The following UQCRB variants were observed in gnomAD, a reference collection of about 807,000 sequenced individuals.
UQCRB encodes ubiquinol-cytochrome c reductase binding protein, also known as cytochrome b-c1 complex subunit 7.
A neutral mutation model predicts 19.8 loss-of-function variants in UQCRB; 12 were observed. That is an observed-to-expected ratio of 0.61 (90% CI 0.39 to 0.98). UQCRB has a LOEUF of 0.98. Ranked by LOEUF, UQCRB falls within the 50% of genes least tolerant of loss-of-function variation. UQCRB has a pLI of 0.00. For missense variants in UQCRB, 142 were observed against 131.8 expected, an observed-to-expected ratio of 1.08 and a Z score of -0.38; for synonymous variants, 39 against 42.9, an observed-to-expected ratio of 0.91 and a Z score of 0.35.
rs1275398398 is a variant in UQCRB at position 96,229,897 on chromosome 8, T to C, written c.*1158A>G. ...AAACTTTAAATGTAACACAAATTCG[T>C]TTTTCACACTGTTTTGTTATTTGAG... On this transcript the variant is annotated 3_prime_UTR_variant, in exon 4 of 4. Coordinates refer to ENST00000287022, the MANE Select transcript of UQCRB (RefSeq NM_006294.5). 1 of 436,554 alleles carries C rather than the reference T, an allele frequency of 2.3e-6. No homozygotes were observed. Among genetic ancestry groups the C allele is most frequent in the South Asian group, 1.6e-5 (1 of 63,872 alleles). The allele number at this position is 436,554 out of a possible 1,614,324, so 27.0% of individuals were successfully genotyped here. A position where few individuals can be genotyped will look rare whatever the true frequency, so the allele number is the denominator to read the frequency against.
At chr8:96,235,333 C>G (rs564483285) in intron 1 of UQCRB, 179 bp downstream of exon 1, 21 of 941,412 alleles carry the variant, frequency 2.2e-5, no homozygotes, top group Non-Finnish European at 3.4e-5. Context: ...ACAGGCAAGC[C>G]CGCCCTGGGG....
chr8:96,224,405 G>T lies in UQCRB; in HGVS notation c.*6650C>A, dbSNP rs1372332166. Among the ~76,000 whole-genome samples, 1 of 152,066 alleles carries T rather than the reference G, an allele frequency of 6.6e-6. No homozygotes were observed. Among genetic ancestry groups the T allele is most frequent in the Non-Finnish European group, 1.5e-5 (1 of 68,020 alleles). On this transcript the variant is annotated 3_prime_UTR_variant, in exon 4 of 4. Transcript: ENST00000287022. ...GTGGCCACCCTCCCCACACTGGCTG[G>T]CCAAGCCCAAGCCAGAAGCCAGAAG...
chr8:96,233,013 T>A (rs1809711536), intron 2 of UQCRB, 143 bp downstream of exon 2: 1 of 718,990 alleles, frequency 1.4e-6, no homozygotes, highest in Non-Finnish European at 2.3e-6. Flanking sequence ...GATTTAATTT[T>A]AAAATCTTCT....
In UQCRB at chr8:96,227,934, G is replaced by A. The variant is rs1490970840; in HGVS notation, c.*3121C>T. 2.2e-6 allele frequency: 1 copy of A among 453,996 alleles called. No homozygotes were observed. Among genetic ancestry groups the A allele is most frequent in the African/African-American group, 2.0e-5 (1 of 50,004 alleles). The allele number at this position is 453,996 out of a possible 1,614,324, so 28.1% of individuals were successfully genotyped here. ...CTAACATTTTGGTACCACTCGTAGA[G>A]CGTCACATAAATATTCAGACCATGA... On this transcript the variant is annotated 3_prime_UTR_variant, in exon 4 of 4. Coordinates refer to ENST00000287022, the MANE Select transcript of UQCRB (RefSeq NM_006294.5).
At chr8:96,235,436 G>C in intron 1 of UQCRB, 76 bp downstream of exon 1, 1 of 1,607,136 alleles carries the variant, frequency 6.2e-7, no homozygotes, top group Non-Finnish European at 8.5e-7. Context: ...AAAGAAGAGA[G>C]AAAACGGAGC....
In UQCRB at chr8:96,231,719, T is replaced by C. The variant is rs117599689; in HGVS notation, c.258+55A>G. 490 of 1,608,972 alleles carry C rather than the reference T, an allele frequency of 3.0e-4. 8 individuals are homozygous for C. The East Asian group carries it at 0.011, about 35-fold the overall frequency. On this transcript the variant is annotated intron_variant, in intron 3 of 3. Coordinates refer to ENST00000287022, the MANE Select transcript of UQCRB (RefSeq NM_006294.5). ...ATGCAAATGAACATGTTTCTCTTGT[T>C]TCTAAAACTCCATCCTTAATGAGCA...
rs1586150290 is a variant in UQCRB at position 96,228,489 on chromosome 8, C to A, written c.*2566G>T. ...AGTAGATGAACCAGAAACAAGAGTG[C>A]CACATAGAAGGAAGAGAGGAGACCT... On this transcript the variant is annotated 3_prime_UTR_variant, in exon 4 of 4. Transcript: ENST00000287022. The A allele has an allele frequency of 8.8e-6, 4 of 453,948 alleles. No individual in the cohort carries two copies. The highest frequency in any genetic ancestry group is 3.1e-5 in the South Asian group (2 of 64,474). 28.1% of individuals were successfully genotyped at this position (453,948 alleles called of 1,614,324 possible). A position where few individuals can be genotyped will look rare whatever the true frequency, so the allele number is the denominator to read the frequency against.
In UQCRB at chr8:96,233,305, C is replaced by CA. The variant is rs1491453681; in HGVS notation, c.20-79dup. On this transcript the variant is annotated intron_variant, in intron 1 of 3. Coordinates refer to ENST00000287022, the MANE Select transcript of UQCRB (RefSeq NM_006294.5). ...CATTGATAGGCAAGCAACCAGTACT[C>CA]AGTTATCTTGCTGATGAATGCAAAC... 22 of 1,338,140 alleles carry CA rather than the reference C, an allele frequency of 1.6e-5. 1 individual carries two copies. In the Admixed American group the frequency reaches 2.0e-4, roughly 12 times the overall value. The allele number at this position is 1,338,140 out of a possible 1,614,324, so 82.9% of individuals were successfully genotyped here.
chr8:96,231,501 T>C (rs1431800952), intron 3 of UQCRB: 1 of 1,533,418 alleles, frequency 6.5e-7, no homozygotes, highest in Admixed American at 2.0e-5. Flanking sequence ...AGTGCAGAGC[T>C]GGAACAGCAA....
At chr8:96,233,390 A>G (rs1809722559) in intron 1 of UQCRB, 163 bp from the exon 2 acceptor site, 1 of 614,344 alleles carries the variant, frequency 1.6e-6, no homozygotes, top group Non-Finnish European at 2.8e-6. Flanking sequence ...TAATCAAAAG[A>G]ATTAGATTTA....
At position 96,235,506 on chromosome 8, in the gene UQCRB, A is replaced by T; in HGVS notation, c.19+6T>A. ...ATGCCGGCCAAGAAGACCCCCAGTT[A>T]CTTACCGGCCTGCTTACCAGCCATT... On this transcript the variant is annotated splice_donor_region_variant and intron_variant, in intron 1 of 3. Transcript: ENST00000287022. 6.2e-7 allele frequency: 1 copy of T among 1,614,216 alleles called. No homozygotes were observed. Among genetic ancestry groups the T allele is most frequent in the Non-Finnish European group, 8.5e-7 (1 of 1,180,036 alleles).
rs569679524 is a variant in UQCRB at position 96,227,366 on chromosome 8, T to C, written c.*3689A>G. 2.6e-5 allele frequency: 12 copies of C among 453,994 alleles called. No homozygotes were observed. The highest frequency in any genetic ancestry group is 1.2e-4 in the South Asian group (8 of 64,478). The allele number at this position is 453,994 out of a possible 1,614,324, so 28.1% of individuals were successfully genotyped here. ...GGGCGCAGAATGGAGAAATCTTCCA[T>C]AGTGCTCGTGTGATGTACACTAAGT... On this transcript the variant is annotated 3_prime_UTR_variant, in exon 4 of 4. Transcript: ENST00000287022.
rs1809618338 is a variant in UQCRB at position 96,229,848 on chromosome 8, TACAC to T, written c.*1203_*1206del. 1 of 454,008 alleles carries T rather than the reference TACAC, an allele frequency of 2.2e-6. No individual in the cohort carries two copies. Among genetic ancestry groups the T allele is most frequent in the Non-Finnish European group, 4.4e-6 (1 of 226,786 alleles). The allele number at this position is 454,008 out of a possible 1,614,324, so 28.1% of individuals were successfully genotyped here. ...AAAAATTTAAAGATGCTCTTTATGA[TACAC>T]ACATTTCTCATTGCTTTACAAACTT... On this transcript the variant is annotated 3_prime_UTR_variant, in exon 4 of 4. Transcript: ENST00000287022.
chr8:96,230,829 G>A lies in UQCRB; in HGVS notation c.*226C>T. On this transcript the variant is annotated 3_prime_UTR_variant, in exon 4 of 4. Transcript: ENST00000287022. Reference sequence around the variant, plus strand: ...TGATAAAGTGGCTTCTGAGCTCCAAGTAGCAGTTAAACACAACTAAATATA... The same window carrying A: ...TGATAAAGTGGCTTCTGAGCTCCAAATAGCAGTTAAACACAACTAAATATA... 3.0e-6 allele frequency: 2 copies of A among 667,938 alleles called. No individual in the cohort carries two copies. The highest frequency in any genetic ancestry group is 3.0e-5 in the South Asian group (2 of 66,382). The allele number at this position is 667,938 out of a possible 1,614,324, so 41.4% of individuals were successfully genotyped here. A position where few individuals can be genotyped will look rare whatever the true frequency, so the allele number is the denominator to read the frequency against.
At position 96,230,823 on chromosome 8, in the gene UQCRB, C is replaced by G. The variant is rs1392727252; in HGVS notation, c.*232G>C. On this transcript the variant is annotated 3_prime_UTR_variant, in exon 4 of 4. Coordinates refer to ENST00000287022, the MANE Select transcript of UQCRB (RefSeq NM_006294.5). ...GAAAACTGATAAAGTGGCTTCTGAG[C>G]TCCAAGTAGCAGTTAAACACAACTA... The G allele has an allele frequency of 1.5e-6, 1 of 656,470 alleles. No individual in the cohort carries two copies. The highest frequency in any genetic ancestry group is 1.5e-5 in the South Asian group (1 of 66,292). The allele number at this position is 656,470 out of a possible 1,614,324, so 40.7% of individuals were successfully genotyped here. A position where few individuals can be genotyped will look rare whatever the true frequency, so the allele number is the denominator to read the frequency against.
At position 96,231,836 on chromosome 8, in the gene UQCRB, C is replaced by A. The variant is rs779199448; in HGVS notation, c.196G>T (p.Ala66Ser). ...YNDRMFRIKR[A>S]LDLNLKHQIL... The stretch of plus-strand genomic sequence containing the variant: ...TGATGCTTCAAGTTCAGGTCCAGTG[C>A]CCTCTTAATGCGAAACATCCTGTCA... The change falls in exon 3 of 4, where the codon GCA becomes TCA. Residue 66 changes from alanine (A) to serine (S), a missense_variant. By Grantham distance (99) the Ala-to-Ser change is moderately conservative. Transcript: ENST00000287022. 1.2e-6 allele frequency: 2 copies of A among 1,614,136 alleles called. No individual in the cohort carries two copies. The highest frequency in any genetic ancestry group is 1.7e-5 in the Admixed American group (1 of 60,026).
Position 96,224,117 on chromosome 8 carries a change from T to C in UQCRB, c.*6938A>G, listed in dbSNP as rs1809489422. ...TAGCCATTCTCAAGGGCAGCCCAGT[T>C]CTGTGTGAGTCAGAGTCCTGGCAGG... On this transcript the variant is annotated 3_prime_UTR_variant, in exon 4 of 4. Coordinates refer to ENST00000287022, the MANE Select transcript of UQCRB (RefSeq NM_006294.5). 1.3e-5 allele frequency among the ~76,000 whole-genome samples: 2 copies of C among 152,212 alleles called. No homozygotes were observed. The highest frequency in any genetic ancestry group is 2.4e-5 in the African/African-American group (1 of 41,460).
Position 96,231,921 on chromosome 8 carries a change from T to C in UQCRB, c.111A>G (p.Thr37=). Residue 37 remains threonine (T), a synonymous_variant, in exon 3 of 4, where the codon ACA becomes ACG. Coordinates refer to ENST00000287022, the MANE Select transcript of UQCRB (RefSeq NM_006294.5). ...FNKLGLMRDD[T]IYEDEDVKEA... ...CTTTTACATCTTCATCCTCGTATAT[T>C]GTATCATCTCGCATTAACCCTATGA... The C allele has an allele frequency of 6.2e-7, 1 of 1,613,566 alleles. No individual in the cohort carries two copies. The highest frequency in any genetic ancestry group is 8.5e-7 in the Non-Finnish European group (1 of 1,180,002).
In UQCRB at chr8:96,224,151, G is replaced by C. The variant is rs1351293342; in HGVS notation, c.*6904C>G. Among the ~76,000 whole-genome samples, 1 of 152,158 alleles carries C rather than the reference G, an allele frequency of 6.6e-6. No homozygotes were observed. Among genetic ancestry groups the C allele is most frequent in the Non-Finnish European group, 1.5e-5 (1 of 68,034 alleles). On this transcript the variant is annotated 3_prime_UTR_variant, in exon 4 of 4. Coordinates refer to ENST00000287022, the MANE Select transcript of UQCRB (RefSeq NM_006294.5). Reference sequence around the variant, plus strand: ...GTCAGAGTCCTGGCAGGAAAGTGTGGCACACCCAATCAGGCAAACCAAAGA... The same window carrying C: ...GTCAGAGTCCTGGCAGGAAAGTGTGCCACACCCAATCAGGCAAACCAAAGA...
Sources: allele counts gnomAD v4.1 joint callset (sites outside exome capture counted in the v4.1 genomes callset), GRCh38; gene constraint gnomAD v4.1.1; transcripts MANE v1.5; gene names NCBI Gene and HGNC (gene_info 2026-07-23, HGNC 2026-07-21).